The following TRAPPC8 variants were observed in gnomAD, a reference collection of about 807,000 sequenced individuals.
TRAPPC8 encodes trafficking protein particle complex subunit 8, also known as general sporulation gene 1 homolog.
Under a neutral mutation model 174.3 loss-of-function variants are expected in TRAPPC8, and 54 were observed. The ratio of observed to expected loss-of-function variants is 0.31; its 90% CI spans 0.25 to 0.39. The LOEUF (loss-of-function observed/expected upper bound fraction) is 0.39, where lower values mean the gene tolerates loss of function less well. TRAPPC8 is among the 10% of genes least tolerant of loss of function. TRAPPC8 has a pLI of 1.00. For missense variants in TRAPPC8, 1,531 were observed against 1,699.1 expected (o/e 0.90, Z 1.74); for synonymous variants, 630 against 579.9 (o/e 1.09, Z -1.24).
At chr18:31,912,850 A>G (rs1336562539) in intron 5 of TRAPPC8, among the ~76,000 whole-genome samples, 1 of 152,148 alleles carries the variant, frequency 6.6e-6, no homozygotes, top group East Asian at 1.9e-4. Context: ...AGATCAGTCC[A>G]GGCGCGGTGG....
intron 1 of TRAPPC8, 22 bp downstream of exon 1, chr18:31,942,586 G>A: frequency 2.0e-6 from 3 of 1,512,634 alleles, no homozygotes; most frequent in Non-Finnish European, 2.7e-6. Flanking sequence ...GAGCCCACTG[G>A]AAAAGGGAGG....
chr18:31,901,131 G>T lies in TRAPPC8; in HGVS notation c.1390-106C>A, dbSNP rs974074979. On this transcript the variant is annotated intron_variant, in intron 9 of 28. Coordinates refer to ENST00000283351, the MANE Select transcript of TRAPPC8 (RefSeq NM_014939.5). ...AAATTTGCTGTTTTTTTTTTAACTGGATACACATGTATAAACTTCATAGCC... is the reference window on the plus strand; with the variant it reads ...AAATTTGCTGTTTTTTTTTTAACTGTATACACATGTATAAACTTCATAGCC... 34 of 872,976 alleles carry T rather than the reference G, an allele frequency of 3.9e-5. No individual in the cohort carries two copies. The Middle Eastern group carries it at 1.1e-3, about 28-fold the overall frequency. The allele number at this position is 872,976 out of a possible 1,614,324, so 54.1% of individuals were successfully genotyped here.
rs1409079240 is a variant in TRAPPC8, at chr18:31,829,644, T to G, written c.*1111A>C. ...GATCTCTCCCCACTTTGGTGCAGTC[T>G]GCTCCGATTAGTGCCGAGATTGAGA... On this transcript the variant is annotated 3_prime_UTR_variant, in exon 29 of 29. Transcript: ENST00000283351. 5 of 152,266 alleles carry G rather than the reference T, an allele frequency of 3.3e-5. No individual in the cohort carries two copies. The allele number at this position is 152,266 out of a possible 1,614,324, so 9.4% of individuals were successfully genotyped here. A position where few individuals can be genotyped will look rare whatever the true frequency, so the allele number is the denominator to read the frequency against.
intron 2 of TRAPPC8, among the ~76,000 whole-genome samples, chr18:31,931,023 G>C (rs530186000): frequency 6.6e-6 from 1 of 152,144 alleles, no homozygotes; most frequent in African/African-American, 2.4e-5. Flanking sequence ...CACCAAGCAA[G>C]ATAAAAATAC....
intron 12 of TRAPPC8, among the ~76,000 whole-genome samples, chr18:31,881,206 A>G (rs778391249): frequency 4.6e-5 from 7 of 152,202 alleles, no homozygotes; most frequent in Non-Finnish European, 7.4e-5. Context: ...AGCAAAAACA[A>G]AGCCCGAGGC....
chr18:31,908,497 A>C, intron 7 of TRAPPC8, 79 bp from the exon 8 acceptor site: 2 of 992,316 alleles, frequency 2.0e-6, no homozygotes, highest in Non-Finnish European at 2.8e-6. Context: ...TTAACTAAAA[A>C]GCTTTAATAG....
intron 26 of TRAPPC8, among the ~76,000 whole-genome samples, chr18:31,841,709 G>A (rs2033110037): frequency 6.6e-6 from 1 of 152,092 alleles, no homozygotes; most frequent in Non-Finnish European, 1.5e-5. Context: ...TTCAGATTAT[G>A]AGGACTTCTA....
At chr18:31,897,976 T>C (rs2036252634) in intron 10 of TRAPPC8, 85 bp from the exon 11 acceptor site, 1 of 1,226,310 alleles carries the variant, frequency 8.2e-7, no homozygotes, top group Admixed American at 2.2e-5. Context: ...AGATTCCAAT[T>C]ACAGTTTTAG....
At chr18:31,941,004 A>G (rs142436449) in intron 1 of TRAPPC8, among the ~76,000 whole-genome samples, 85 of 136,388 alleles carry the variant, frequency 6.2e-4, no homozygotes, top group African/African-American at 2.2e-3. Flanking sequence ...CTCAAATTTA[A>G]AATTGCAATA....
At chr18:31,915,909 T>C (rs2037122310) in intron 4 of TRAPPC8, among the ~76,000 whole-genome samples, 1 of 142,346 alleles carries the variant, frequency 7.0e-6, no homozygotes, top group Non-Finnish European at 1.5e-5. Context: ...AAAAAAAAAT[T>C]AGCTGGGCAT....
At chr18:31,928,167 A>AT (rs1002366442) in intron 2 of TRAPPC8, among the ~76,000 whole-genome samples, 3 of 151,218 alleles carry the variant, frequency 2.0e-5, no homozygotes, top group African/African-American at 4.9e-5. Flanking sequence ...AAAAAATAAA[A>AT]TAAAATAAAA....
At chr18:31,905,013 G>C (rs138045425) in intron 9 of TRAPPC8, among the ~76,000 whole-genome samples, 1 of 149,040 alleles carries the variant, frequency 6.7e-6, no homozygotes, top group African/African-American at 2.5e-5. Flanking sequence ...CTGGGCAACA[G>C]AGTGAGATTC....
At chr18:31,876,812 C>T (rs1175307961) in intron 12 of TRAPPC8, among the ~76,000 whole-genome samples, 5 of 152,110 alleles carry the variant, frequency 3.3e-5, no homozygotes, top group African/African-American at 1.2e-4. Context: ...TGCAGGACAA[C>T]ACTAACAGTG....
chr18:31,936,304 T>A (rs183075448), intron 1 of TRAPPC8, among the ~76,000 whole-genome samples: 3,337 of 149,390 alleles, frequency 0.022, 141 homozygotes, highest in Admixed American at 0.1. Flanking sequence ...ACAAAAAAAA[T>A]TTTTTTTTTA....
At chr18:31,833,322 A>C (rs1287936103) in intron 27 of TRAPPC8, 1 of 152,236 alleles carries the variant, frequency 6.6e-6, no homozygotes, top group African/African-American at 2.4e-5. Context: ...ACATGTGGAT[A>C]TCTCCTGGTC....
intron 24 of TRAPPC8, among the ~76,000 whole-genome samples, chr18:31,849,991 C>T (rs908265380): frequency 6.6e-6 from 1 of 151,526 alleles, no homozygotes; most frequent in Non-Finnish European, 1.5e-5. Flanking sequence ...CTTACTCTGT[C>T]ATCCAGGCTG....
At position 31,942,848 on chromosome 18, in the gene TRAPPC8, C is replaced by A. The variant is rs1206392520; in HGVS notation, c.-84G>T. On this transcript the variant is annotated 5_prime_UTR_variant, in exon 1 of 29. Coordinates refer to ENST00000283351, the MANE Select transcript of TRAPPC8 (RefSeq NM_014939.5). ...GCGGCTGCAGCAGCTACCGCCGCCGCCCGCCGGCCTGGCCCGGCCGGGCGG... is the reference window on the plus strand; with the variant it reads ...GCGGCTGCAGCAGCTACCGCCGCCGACCGCCGGCCTGGCCCGGCCGGGCGG... The A allele has an allele frequency of 3.2e-6, 4 of 1,262,658 alleles. No homozygotes were observed. The highest frequency in any genetic ancestry group is 1.6e-5 in the African/African-American group (1 of 64,472). The allele number at this position is 1,262,658 out of a possible 1,614,324, so 78.2% of individuals were successfully genotyped here.
chr18:31,896,031 C>A (rs2036170003), intron 11 of TRAPPC8: 1 of 152,138 alleles, frequency 6.6e-6, no homozygotes, highest in Non-Finnish European at 1.5e-5. Flanking sequence ...CAACACGGTT[C>A]CCTGCCCTCA....
chr18:31,900,132 G>A (rs1222999725), intron 10 of TRAPPC8, among the ~76,000 whole-genome samples: 2 of 152,070 alleles, frequency 1.3e-5, no homozygotes, highest in Non-Finnish European at 1.5e-5. Flanking sequence ...TACTCCAAAG[G>A]CTGGGACAGG....
Sources: allele counts gnomAD v4.1 joint callset (sites outside exome capture counted in the v4.1 genomes callset), GRCh38; gene constraint gnomAD v4.1.1; transcripts MANE v1.5; gene names NCBI Gene and HGNC (gene_info 2026-07-23, HGNC 2026-07-21).